TCF12: variants seen among roughly 807,000 people sequenced by gnomAD.
The protein encoded by TCF12 is DNA-binding protein HTF4.
A neutral mutation model predicts 86.0 loss-of-function variants in TCF12; 45 were observed. The ratio of observed to expected loss-of-function variants is 0.52; its 90% confidence interval spans 0.41 to 0.67. The LOEUF is 0.67. Among genes scored for constraint, TCF12 ranks in the 30% least tolerant of loss-of-function variants. TCF12 has a pLI of 0.00. For missense variants in TCF12, 881 were observed against 859.9 expected, an observed-to-expected ratio of 1.02 and a Z score of -0.31; for synonymous variants, 330 against 299.6, an observed-to-expected ratio of 1.10 and a Z score of -1.05.
intron 3 of TCF12, among the ~76,000 whole-genome samples, chr15:56,992,092 A>T (rs1475811563): frequency 6.6e-6 from 1 of 151,246 alleles, no homozygotes; most frequent in Admixed American, 6.6e-5. Flanking sequence ...TGTCTCTACT[A>T]AAAAAAAGCC....
intron 3 of TCF12, among the ~76,000 whole-genome samples, chr15:56,945,498 G>C (rs1411808839): frequency 6.6e-6 from 1 of 151,790 alleles, no homozygotes; most frequent in South Asian, 2.1e-4. Context: ...CTTTGCTTTT[G>C]AAGGATATTT....
At chr15:57,183,404 C>T (rs1452022152) in intron 6 of TCF12, among the ~76,000 whole-genome samples, 3 of 152,148 alleles carry the variant, frequency 2.0e-5, no homozygotes, top group Non-Finnish European at 4.4e-5. Flanking sequence ...ATTGATACTG[C>T]TTGAATCTGT....
chr15:57,153,192 C>T (rs377388747), intron 5 of TCF12, among the ~76,000 whole-genome samples: 3 of 152,194 alleles, frequency 2.0e-5, no homozygotes, highest in East Asian at 1.9e-4. Context: ...GTAAGTTCTT[C>T]AAGCAGGGGG....
intron 4 of TCF12, among the ~76,000 whole-genome samples, chr15:57,074,389 G>A (rs554417288): frequency 1.2e-3 from 176 of 146,074 alleles, no homozygotes; most frequent in African/African-American, 4.2e-3. Context: ...AAGATGTTAG[G>A]AATTTTTCAA....
At chr15:57,159,609 G>A (rs1440402730) in intron 5 of TCF12, among the ~76,000 whole-genome samples, 1 of 152,174 alleles carries the variant, frequency 6.6e-6, no homozygotes, top group Non-Finnish European at 1.5e-5. Flanking sequence ...CTTACACACT[G>A]AAATATTTCA....
intron 5 of TCF12, among the ~76,000 whole-genome samples, chr15:57,117,455 A>G (rs2050921573): frequency 6.6e-6 from 1 of 152,224 alleles, no homozygotes; most frequent in African/African-American, 2.4e-5. Flanking sequence ...TAGCCTCAAG[A>G]GTTGCTATAA....
intron 6 of TCF12, among the ~76,000 whole-genome samples, chr15:57,175,780 C>A (rs1179844975): frequency 5.3e-5 from 8 of 152,134 alleles, no homozygotes; most frequent in Non-Finnish European, 8.8e-5. Flanking sequence ...TGAAGAGCAT[C>A]TTTTAAGTGT....
chr15:57,183,444 A>G (rs368774830), intron 6 of TCF12, among the ~76,000 whole-genome samples: 18 of 152,082 alleles, frequency 1.2e-4, no homozygotes, highest in African/African-American at 2.2e-4. Flanking sequence ...GCATCTGTCA[A>G]TCCTCTCTAG....
intron 8 of TCF12, among the ~76,000 whole-genome samples, chr15:57,218,427 CAT>C (rs771400147): frequency 3.4e-4 from 52 of 152,272 alleles, no homozygotes; most frequent in African/African-American, 9.4e-4. Context: ...GTAAGAGACA[CAT>C]GTTTTTGTAG....
chr15:56,941,479 T>C (rs990370820), intron 3 of TCF12, among the ~76,000 whole-genome samples: 1 of 151,718 alleles, frequency 6.6e-6, no homozygotes, highest in Non-Finnish European at 1.5e-5. Context: ...TTCTAGCAAT[T>C]CTCCTGCCTC....
intron 13 of TCF12, 88 bp from the exon 14 acceptor site, chr15:57,251,262 G>A: frequency 9.3e-7 from 1 of 1,080,562 alleles, no homozygotes; most frequent in Non-Finnish European, 1.4e-6. Context: ...AATTTATTTA[G>A]TTATTGAGTA....
chr15:57,071,334 C>G (rs2069362460), intron 4 of TCF12, among the ~76,000 whole-genome samples: 1 of 151,576 alleles, frequency 6.6e-6, no homozygotes, highest in African/African-American at 2.4e-5. Context: ...ATTACATGAA[C>G]CCAGGGGTTG....
chr15:57,106,791 A>T (rs2050161264), intron 5 of TCF12, among the ~76,000 whole-genome samples: 1 of 152,248 alleles, frequency 6.6e-6, no homozygotes, highest in Non-Finnish European at 1.5e-5. Context: ...CAGGAAGATA[A>T]TAATAAGCCT....
intron 3 of TCF12, among the ~76,000 whole-genome samples, chr15:56,967,071 G>C (rs529729851): frequency 1.3e-5 from 2 of 152,056 alleles, no homozygotes; most frequent in Admixed American, 6.6e-5. Flanking sequence ...TCAGTGAGTC[G>C]AGATCGTGCC....
chr15:57,244,816 A>T (rs1454473126), intron 13 of TCF12, among the ~76,000 whole-genome samples: 1 of 152,110 alleles, frequency 6.6e-6, no homozygotes, highest in African/African-American at 2.4e-5. Context: ...CAAGTTCTAA[A>T]TACTATCCTA....
chr15:57,197,223 C>A (rs1240440554), intron 7 of TCF12, among the ~76,000 whole-genome samples: 1 of 139,178 alleles, frequency 7.2e-6, no homozygotes, highest in East Asian at 2.2e-4. Context: ...GTAGTGCCAT[C>A]TTGGCTCACT....
chr15:56,994,169 C>G (rs1567219827), intron 3 of TCF12, among the ~76,000 whole-genome samples: 1 of 151,906 alleles, frequency 6.6e-6, no homozygotes. Context: ...GAAGATAAAT[C>G]AATAGAAATT....
intron 5 of TCF12, among the ~76,000 whole-genome samples, chr15:57,101,094 T>C (rs950815586): frequency 1.3e-5 from 2 of 152,206 alleles, no homozygotes; most frequent in Non-Finnish European, 2.9e-5. Flanking sequence ...AAATTCAGCC[T>C]TTGCCTTTCA....
chr15:57,256,275 C>T (rs2278685), intron 16 of TCF12, among the ~76,000 whole-genome samples: 59,389 of 151,994 alleles, frequency 0.39, 14,494 homozygotes, highest in Non-Finnish European at 0.54. Context: ...TTGAGGAAGA[C>T]TGTCTTATCG....
Sources: gnomAD v4.1 joint callset for allele counts (sites outside exome capture counted in the v4.1 genomes callset) on GRCh38, gnomAD v4.1.1 for gene constraint, MANE v1.5 for transcripts, NCBI Gene and HGNC (gene_info 2026-07-23, HGNC 2026-07-21) for gene names.